The following HS3ST5 variants were observed in gnomAD, a reference collection of about 807,000 sequenced individuals.
HS3ST5 encodes heparan sulfate-glucosamine 3-sulfotransferase 5.
Under a neutral mutation model 25.4 loss-of-function variants are expected in HS3ST5, and 10 were observed. That is an observed-to-expected ratio of 0.39 (90% confidence interval 0.24 to 0.67). The LOEUF is 0.67. Among genes scored for constraint, HS3ST5 ranks in the 30% least tolerant of loss-of-function variants. The pLI is 0.44. For synonymous variants in HS3ST5, 170 were observed against 162.4 expected (o/e 1.05, Z -0.36); for missense variants, 324 against 420.7 (o/e 0.77, Z 2.01).
chr6:114,256,679 A>G (rs1772940470), intron 1 of HS3ST5, among the ~76,000 whole-genome samples: 1 of 152,294 alleles, frequency 6.6e-6, no homozygotes, highest in South Asian at 2.1e-4. Context: ...TTTTGGTCAA[A>G]GCCATTTAAC....
At chr6:114,249,420 C>T (rs1772537949) in intron 1 of HS3ST5, among the ~76,000 whole-genome samples, 1 of 152,146 alleles carries the variant, frequency 6.6e-6, no homozygotes, top group Non-Finnish European at 1.5e-5. Context: ...AATAGAACCC[C>T]TTGGAAATCC....
intron 1 of HS3ST5, among the ~76,000 whole-genome samples, chr6:114,291,394 A>C (rs1774571939): frequency 6.6e-6 from 1 of 152,214 alleles, no homozygotes; most frequent in Admixed American, 6.5e-5. Context: ...GCAAGTTATT[A>C]GTGGCTGTAA....
At chr6:114,092,830 TA>T (rs1321080109) in intron 3 of HS3ST5, among the ~76,000 whole-genome samples, 1 of 151,778 alleles carries the variant, frequency 6.6e-6, no homozygotes, top group Non-Finnish European at 1.5e-5. Flanking sequence ...CACATACCAC[TA>T]TACCCTGCTA....
intron 2 of HS3ST5, among the ~76,000 whole-genome samples, chr6:114,216,927 T>C (rs1337677634): frequency 6.6e-6 from 1 of 152,144 alleles, no homozygotes; most frequent in East Asian, 1.9e-4. Flanking sequence ...TCTCTGATGA[T>C]GCTGCAGTGC....
chr6:114,090,142 C>T (rs760776539), intron 3 of HS3ST5, among the ~76,000 whole-genome samples: 10 of 152,092 alleles, frequency 6.6e-5, no homozygotes, highest in East Asian at 1.9e-4. Flanking sequence ...TAATGCAGTC[C>T]GTGCTTTTAA....
chr6:114,289,488 A>T (rs1774479364), intron 1 of HS3ST5, among the ~76,000 whole-genome samples: 1 of 152,166 alleles, frequency 6.6e-6, no homozygotes, highest in Admixed American at 6.5e-5. Context: ...CCAGTCAGTG[A>T]GCAAGCATTT....
chr6:114,258,602 C>T (rs1773034878), intron 1 of HS3ST5, among the ~76,000 whole-genome samples: 1 of 152,080 alleles, frequency 6.6e-6, no homozygotes, highest in Non-Finnish European at 1.5e-5. Context: ...CCACTTGGGG[C>T]CAGAGCACCT....
At chr6:114,310,316 A>G (rs1272995702) in intron 1 of HS3ST5, among the ~76,000 whole-genome samples, 2 of 152,218 alleles carry the variant, frequency 1.3e-5, no homozygotes, top group Non-Finnish European at 2.9e-5. Context: ...AGGGAGAGGT[A>G]GTTGTGTAAG....
chr6:114,136,592 T>C (rs1777627027), intron 3 of HS3ST5, among the ~76,000 whole-genome samples: 1 of 152,226 alleles, frequency 6.6e-6, no homozygotes, highest in African/African-American at 2.4e-5. Flanking sequence ...AATTGGGCAT[T>C]AACTTGAAAT....
At chr6:114,192,905 C>T (rs1015664092) in intron 2 of HS3ST5, among the ~76,000 whole-genome samples, 1 of 152,164 alleles carries the variant, frequency 6.6e-6, no homozygotes, top group African/African-American at 2.4e-5. Context: ...ACTATTTTCT[C>T]CAACTGCTAT....
At chr6:114,191,132 T>C (rs927957894) in intron 2 of HS3ST5, among the ~76,000 whole-genome samples, 4 of 152,136 alleles carry the variant, frequency 2.6e-5, no homozygotes, top group Non-Finnish European at 4.4e-5. Flanking sequence ...AAGAAAAACA[T>C]AGACTCACAA....
intron 1 of HS3ST5, among the ~76,000 whole-genome samples, chr6:114,244,303 A>G (rs1354797708): frequency 1.3e-5 from 2 of 152,208 alleles, no homozygotes; most frequent in Non-Finnish European, 2.9e-5. Flanking sequence ...TAAATTTAAT[A>G]TGGAATGAAG....
intron 1 of HS3ST5, among the ~76,000 whole-genome samples, chr6:114,270,631 T>C (rs1020265002): frequency 2.0e-4 from 30 of 152,310 alleles, no homozygotes; most frequent in African/African-American, 6.5e-4. Context: ...GGAGGTTCTA[T>C]GCAGCGTGAA....
chr6:114,170,785 T>C (rs1375260818), intron 2 of HS3ST5, among the ~76,000 whole-genome samples: 1 of 152,174 alleles, frequency 6.6e-6, no homozygotes, highest in Non-Finnish European at 1.5e-5. Flanking sequence ...CTTTTAATGA[T>C]TAGCTGCCTG....
chr6:114,250,665 G>C (rs1239808109), intron 1 of HS3ST5, among the ~76,000 whole-genome samples: 2 of 152,078 alleles, frequency 1.3e-5, no homozygotes, highest in Non-Finnish European at 2.9e-5. Flanking sequence ...ACTTTGACCT[G>C]AAGGAAGAGA....
At chr6:114,295,045 CTT>C (rs1180435723) in intron 1 of HS3ST5, among the ~76,000 whole-genome samples, 1 of 151,896 alleles carries the variant, frequency 6.6e-6, no homozygotes, top group East Asian at 1.9e-4. Context: ...GCACTAAAAA[CTT>C]TTTTTTCAAA....
chr6:114,197,553 G>A (rs1030173319), intron 2 of HS3ST5, among the ~76,000 whole-genome samples: 1 of 152,036 alleles, frequency 6.6e-6, no homozygotes, highest in Non-Finnish European at 1.5e-5. Flanking sequence ...TAATGCTGAG[G>A]TTTGGGCTTC....
intron 3 of HS3ST5, among the ~76,000 whole-genome samples, chr6:114,114,912 A>G (rs1439330577): frequency 6.6e-6 from 1 of 152,098 alleles, no homozygotes; most frequent in African/African-American, 2.4e-5. Context: ...TCATTAATTC[A>G]CTCAGCAAAT....
chr6:114,134,001 C>T (rs916647142), intron 3 of HS3ST5, among the ~76,000 whole-genome samples: 4 of 151,370 alleles, frequency 2.6e-5, no homozygotes, highest in South Asian at 2.1e-4. Flanking sequence ...AAAGAGAGGG[C>T]GGCGGGGAGC....
Sources: gnomAD v4.1 joint callset for allele counts (sites outside exome capture counted in the v4.1 genomes callset) on GRCh38, gnomAD v4.1.1 for gene constraint, MANE v1.5 for transcripts, NCBI Gene and HGNC (gene_info 2026-07-23, HGNC 2026-07-21) for gene names.